Variants in THAP4 observed in about 807,000 individuals in gnomAD.
THAP4 encodes THAP domain containing 4.
A neutral mutation model predicts 48.1 loss-of-function variants in THAP4; 18 were observed. That is an observed-to-expected ratio of 0.37 (90% confidence interval 0.26 to 0.56). The LOEUF (loss-of-function observed/expected upper bound fraction) is 0.56. THAP4 is among the 20% of genes least tolerant of loss of function. The pLI is 0.78. For synonymous variants in THAP4, 345 were observed against 324.9 expected, an observed-to-expected ratio of 1.06 and a Z score of -0.66; for missense variants, 656 against 774.9, an observed-to-expected ratio of 0.85 and a Z score of 1.82.
chr2:241,586,902 T>C (rs943258144), intron 5 of THAP4, among the ~76,000 whole-genome samples: 31 of 152,068 alleles, frequency 2.0e-4, no homozygotes, highest in Admixed American at 1.0e-3. Context: ...CAGAAGAAGA[T>C]AGGAAAGACA....
At position 241,616,182 on chromosome 2, in the gene THAP4, C is replaced by T. The variant is rs372380726; in HGVS notation, c.1241-9709G>A. Among the ~76,000 whole-genome samples, 77 of 152,304 alleles carry T rather than the reference C, an allele frequency of 5.1e-4. 1 individual carries two copies. The highest frequency in any genetic ancestry group is 4.6e-3 in the East Asian group (24 of 5,188). The stretch of plus-strand genomic sequence containing the variant: ...GGCCTGGATGGGCCAGAACCTTTTA[C>T]GTAGGAGGGACGTGGCCCGGGCTTT... On this transcript the variant is annotated intron_variant, in intron 2 of 5. Coordinates refer to ENST00000407315, the MANE Select transcript of THAP4 (RefSeq NM_015963.6). This position sits in a 1 kb window ranked among gnomAD's most constrained non-coding sequence, Gnocchi z 4.6.
In THAP4 at chr2:241,607,878, C is replaced by T. The variant is rs2067205294; in HGVS notation, c.1241-1405G>A. Among the ~76,000 whole-genome samples, 2 of 126,506 alleles carry T rather than the reference C, an allele frequency of 1.6e-5. 1 individual carries two copies. The highest frequency in any genetic ancestry group is 3.3e-5 in the Non-Finnish European group (2 of 60,516). 83.0% of individuals were successfully genotyped at this position (126,506 alleles called of 152,430 possible). A position where few individuals can be genotyped will look rare whatever the true frequency, so the allele number is the denominator to read the frequency against. On this transcript the variant is annotated intron_variant, in intron 2 of 5. Coordinates refer to ENST00000407315, the MANE Select transcript of THAP4 (RefSeq NM_015963.6). Reference sequence around the variant, plus strand: ...TTGGACTGACCCCCAGTGTCTCCTCCAGGCCCGCGCAAGCAGAAGACAGCT... The same window carrying T: ...TTGGACTGACCCCCAGTGTCTCCTCTAGGCCCGCGCAAGCAGAAGACAGCT...
At chr2:241,620,172 T>A (rs1340769773) in intron 2 of THAP4, among the ~76,000 whole-genome samples, 6 of 33,256 alleles carry the variant, frequency 1.8e-4, no homozygotes, top group East Asian at 1.3e-3. Context: ...GAGTGAGGGG[T>A]GAGTGAGTCG....
At chr2:241,637,184 C>A, upstream of THAP4, 1 of 986,654 alleles carries the variant, frequency 1.0e-6, no homozygotes, top group Non-Finnish European at 1.2e-6. Context: ...CGCAGCGGGC[C>A]CGCCCCCGCC....
At chr2:241,586,902 T>G (rs943258144) in intron 5 of THAP4, among the ~76,000 whole-genome samples, 1 of 152,068 alleles carries the variant, frequency 6.6e-6, no homozygotes, top group African/African-American at 2.4e-5. Context: ...CAGAAGAAGA[T>G]AGGAAAGACA....
intron 1 of THAP4, among the ~76,000 whole-genome samples, chr2:241,635,643 G>T (rs930858939): frequency 3.9e-5 from 6 of 152,070 alleles, no homozygotes; most frequent in Admixed American, 1.3e-4. Context: ...GGTGGCGCTT[G>T]CCTGTAATCC....
At chr2:241,634,609 T>C (rs368549769) in intron 1 of THAP4, among the ~76,000 whole-genome samples, 4 of 152,396 alleles carry the variant, frequency 2.6e-5, no homozygotes, top group African/African-American at 9.6e-5. Flanking sequence ...GCTACAGTTC[T>C]GTGTTCCTGT....
At chr2:241,597,591 G>A (rs2067065017) in intron 5 of THAP4, among the ~76,000 whole-genome samples, 1 of 152,178 alleles carries the variant, frequency 6.6e-6, no homozygotes, top group South Asian at 2.1e-4. Context: ...TAATAACAGG[G>A]ACAGCTCCTT....
In THAP4 at chr2:241,601,718, T is replaced by A; in HGVS notation, c.1614+178A>T. 1 of 1,197,358 alleles carries A rather than the reference T, an allele frequency of 8.4e-7. No individual in the cohort carries two copies. Among genetic ancestry groups the A allele is most frequent in the Non-Finnish European group, 1.1e-6 (1 of 870,460 alleles). 74.2% of individuals were successfully genotyped at this position (1,197,358 alleles called of 1,614,324 possible). ...CACTGACCAGCCGAGGAGGGGGCAATGAATTTAGGGAACATCCACCCTGGA... is the reference window on the plus strand; with the variant it reads ...CACTGACCAGCCGAGGAGGGGGCAAAGAATTTAGGGAACATCCACCCTGGA... On this transcript the variant is annotated intron_variant, in intron 5 of 5. Transcript: ENST00000407315. This position sits in a 1 kb window ranked among gnomAD's most constrained non-coding sequence, Gnocchi z 4.0.
intron 2 of THAP4, among the ~76,000 whole-genome samples, chr2:241,622,405 T>A (rs1314161699): frequency 6.6e-6 from 1 of 152,022 alleles, no homozygotes; most frequent in East Asian, 1.9e-4. Context: ...AAAATTTCTT[T>A]AAATAAAAAC....
chr2:241,601,763 AAGG>A lies in THAP4; in HGVS notation c.1614+130_1614+132del. 1 of 1,510,330 alleles carries A rather than the reference AAGG, an allele frequency of 6.6e-7. No individual in the cohort carries two copies. The highest frequency in any genetic ancestry group is 9.0e-7 in the Non-Finnish European group (1 of 1,115,148). The allele number at this position is 1,510,330 out of a possible 1,614,324, so 93.6% of individuals were successfully genotyped here. On this transcript the variant is annotated intron_variant, in intron 5 of 5. Transcript: ENST00000407315. The surrounding 1 kb of genome is among the most constrained non-coding windows in gnomAD (Gnocchi z 4.0). ...CCTGGATGGTCCGAGAAGGGAAAAGAAGGAGACAGTGAAGACAGGCCTGTGAGA... is the reference window on the plus strand; with the variant it reads ...CCTGGATGGTCCGAGAAGGGAAAAGAAGACAGTGAAGACAGGCCTGTGAGA...
chr2:241,618,363 G>A (rs1182321023), intron 2 of THAP4, among the ~76,000 whole-genome samples: 1 of 152,166 alleles, frequency 6.6e-6, no homozygotes, highest in East Asian at 1.9e-4. Context: ...TGATTTCCTC[G>A]TTAATCTGAG....
chr2:241,627,317 G>C (rs1469136371), intron 2 of THAP4, among the ~76,000 whole-genome samples: 1 of 152,230 alleles, frequency 6.6e-6, no homozygotes, highest in African/African-American at 2.4e-5. Flanking sequence ...TTTGAAGCAA[G>C]TGTTAAATTG....
At chr2:241,622,490 G>A (rs564805889) in intron 2 of THAP4, among the ~76,000 whole-genome samples, 2 of 151,968 alleles carry the variant, frequency 1.3e-5, no homozygotes, top group Non-Finnish European at 2.9e-5. Flanking sequence ...TATGATATAC[G>A]TCAGAAACTA....
At chr2:241,622,426 C>T (rs894792005) in intron 2 of THAP4, among the ~76,000 whole-genome samples, 2 of 152,042 alleles carry the variant, frequency 1.3e-5, no homozygotes, top group Non-Finnish European at 2.9e-5. Flanking sequence ...AGAGAATTCA[C>T]TGGCAGTACC....
intron 1 of THAP4, among the ~76,000 whole-genome samples, chr2:241,635,428 C>A (rs919616005): frequency 1.3e-5 from 2 of 152,190 alleles, no homozygotes; most frequent in Non-Finnish European, 2.9e-5. Context: ...CCTTCATAAC[C>A]ATTTCTTCAT....
rs1457175959 is a variant in THAP4 at position 241,606,330 on chromosome 2, G to A, written c.1384C>T (p.Pro462Ser). ...ACAACTTACGAGAAGTTCAGCATGG[G>A]CTGGCCCACGTGGGAGATGTGAACC... is the stretch of plus-strand genomic sequence containing the variant. ...EEVHISHVGQPMLNFSFNSFH... is the reference protein window; with the variant it reads ...EEVHISHVGQSMLNFSFNSFH... The change falls in exon 3 of 6, where the codon CCC becomes TCC. Residue 462 changes from proline to serine, a missense_variant. By Grantham distance (74) the Pro-to-Ser change is moderately conservative. This residue lies in a region of THAP4 where 176 missense variants were observed against 256.7 expected (regional missense o/e 0.69). Coordinates refer to ENST00000407315, the MANE Select transcript of THAP4 (RefSeq NM_015963.6). 9.6e-6 allele frequency: 15 copies of A among 1,559,044 alleles called. No individual in the cohort carries two copies. Among genetic ancestry groups the A allele is most frequent in the Non-Finnish European group, 1.3e-5 (15 of 1,150,996 alleles).
rs1050779232 is a variant in THAP4, at chr2:241,602,110, G to A, written c.1511-111C>T. The A allele has an allele frequency of 2.5e-5, 25 of 980,636 alleles. No individual in the cohort carries two copies. In the East Asian group the frequency reaches 6.1e-4, roughly 24 times the overall value. The allele number at this position is 980,636 out of a possible 1,614,324, so 60.7% of individuals were successfully genotyped here. On this transcript the variant is annotated intron_variant, in intron 4 of 5. Coordinates refer to ENST00000407315, the MANE Select transcript of THAP4 (RefSeq NM_015963.6). ...CTCCACAGGAGGCCCCAACTCTGCA[G>A]CTGTGGAAGCAACGATATTTCTCCT...
At chr2:241,631,891 TTC>T (rs1277606789) in intron 2 of THAP4, among the ~76,000 whole-genome samples, 1 of 151,670 alleles carries the variant, frequency 6.6e-6, no homozygotes, top group Non-Finnish European at 1.5e-5. Context: ...TGTATTGTAT[TTC>T]TTTTTTTTTT....
Sources: gnomAD v4.1 joint callset for allele counts (sites outside exome capture counted in the v4.1 genomes callset) on GRCh38, gnomAD v4.1.1 for gene constraint, gnomAD v4.1.1 regional missense constraint, Gnocchi (gnomAD v3.1) non-coding constraint, MANE v1.5 for transcripts, NCBI Gene and HGNC (gene_info 2026-07-23, HGNC 2026-07-21) for gene names.